The following TPP2 variants were observed in gnomAD, a reference collection of about 807,000 sequenced individuals.
TPP2 encodes the protein tripeptidyl-peptidase 2.
TPP2 carries 34 observed loss-of-function variants against 155.9 expected under a neutral mutation model. That is an observed-to-expected ratio of 0.22 (90% CI 0.17 to 0.29). The LOEUF is 0.29. TPP2 is among the 10% of genes least tolerant of loss of function. The pLI is 1.00. For missense variants in TPP2, 1,028 were observed against 1,522.3 expected, an observed-to-expected ratio of 0.68 and a Z score of 5.40; for synonymous variants, 510 against 529.4, an observed-to-expected ratio of 0.96 and a Z score of 0.50.
intron 27 of TPP2, among the ~76,000 whole-genome samples, chr13:102,668,952 T>C (rs1884790870): frequency 6.6e-6 from 1 of 152,180 alleles, no homozygotes; most frequent in Non-Finnish European, 1.5e-5. Flanking sequence ...TCTTCATTTC[T>C]GGTACCGGGT....
chr13:102,662,035 T>C (rs1383840647), intron 25 of TPP2, among the ~76,000 whole-genome samples: 2 of 152,188 alleles, frequency 1.3e-5, no homozygotes. Context: ...AGCTGATGAA[T>C]GGACAAACAA....
chr13:102,646,558 T>C (rs939800680), intron 20 of TPP2, among the ~76,000 whole-genome samples, 168 bp downstream of exon 20: 1 of 152,222 alleles, frequency 6.6e-6, no homozygotes, highest in African/African-American at 2.4e-5. Flanking sequence ...AATTTGTAAT[T>C]AAATACCATT....
intron 1 of TPP2, among the ~76,000 whole-genome samples, chr13:102,600,418 G>C (rs1367108598): frequency 1.3e-5 from 2 of 148,728 alleles, no homozygotes; most frequent in Non-Finnish European, 3.0e-5. Flanking sequence ...TCGTATTTAT[G>C]TGTGTTTGCC....
At chr13:102,609,423 G>GT (rs1555296898) in intron 2 of TPP2, among the ~76,000 whole-genome samples, 1 of 133,422 alleles carries the variant, frequency 7.5e-6, no homozygotes, top group Non-Finnish European at 1.6e-5. Flanking sequence ...TTGAGACGGA[G>GT]TTTTGGTCTT....
intron 21 of TPP2, among the ~76,000 whole-genome samples, chr13:102,648,528 T>C (rs531810808): frequency 2.6e-5 from 4 of 152,118 alleles, no homozygotes; most frequent in South Asian, 2.1e-4. Flanking sequence ...GTGTTTCTTA[T>C]ATGTCTCTGA....
intron 21 of TPP2, among the ~76,000 whole-genome samples, chr13:102,648,291 G>T (rs1883257207): frequency 6.6e-6 from 1 of 152,118 alleles, no homozygotes; most frequent in African/African-American, 2.4e-5. Flanking sequence ...GAGGTGGGAG[G>T]ATCGCTTGAG....
At chr13:102,618,938 G>C (rs1017575784) in intron 5 of TPP2, 92 bp downstream of exon 5, 2 of 1,426,442 alleles carry the variant, frequency 1.4e-6, no homozygotes, top group Non-Finnish European at 1.8e-6. Context: ...ACAGAATTTT[G>C]GTTTATTCGT....
chr13:102,671,275 C>T (rs191485272), intron 27 of TPP2, among the ~76,000 whole-genome samples: 3 of 152,232 alleles, frequency 2.0e-5, no homozygotes, highest in Admixed American at 1.3e-4. Context: ...ATTGATAGCC[C>T]GTAAGTCATG....
At chr13:102,666,155 G>A (rs1347457554) in intron 27 of TPP2, among the ~76,000 whole-genome samples, 1 of 152,268 alleles carries the variant, frequency 6.6e-6, no homozygotes, top group South Asian at 2.1e-4. Context: ...TGGAAGGCAG[G>A]GGCCTTTGTA....
At chr13:102,604,044 T>G (rs550826555) in intron 1 of TPP2, among the ~76,000 whole-genome samples, 1 of 152,290 alleles carries the variant, frequency 6.6e-6, no homozygotes, top group South Asian at 2.1e-4. Context: ...GGAGGATTGT[T>G]AAGTTTCCAG....
intron 26 of TPP2, 122 bp from the exon 27 acceptor site, chr13:102,664,669 ACAAG>A (rs1884472527): frequency 4.2e-6 from 4 of 948,978 alleles, no homozygotes; most frequent in Non-Finnish European, 6.0e-6. Context: ...CCCCTGGGCT[ACAAG>A]TCAATTACAT....
chr13:102,641,435 A>G (rs1279739558), intron 16 of TPP2, among the ~76,000 whole-genome samples: 1 of 152,214 alleles, frequency 6.6e-6, no homozygotes, highest in Admixed American at 6.5e-5. Context: ...TATAAGGTAG[A>G]TAGGTGTCAT....
intron 2 of TPP2, among the ~76,000 whole-genome samples, chr13:102,612,805 T>A (rs1046043401): frequency 6.6e-6 from 1 of 152,248 alleles, no homozygotes; most frequent in African/African-American, 2.4e-5. Context: ...TATGTTTTTT[T>A]AAGAAATTGT....
At chr13:102,627,220 A>G in intron 7 of TPP2, 54 bp downstream of exon 7, 25 of 1,490,552 alleles carry the variant, frequency 1.7e-5, no homozygotes, top group Admixed American at 2.2e-5. Context: ...GATCTTGGAT[A>G]TTTTTAGGTT....
At chr13:102,631,865 C>T (rs551488318) in intron 10 of TPP2, among the ~76,000 whole-genome samples, 9 of 152,308 alleles carry the variant, frequency 5.9e-5, no homozygotes, top group East Asian at 3.9e-4. Flanking sequence ...CTTTGAAAAA[C>T]GCTGCCTCTG....
chr13:102,666,258 A>G (rs2139597278), intron 27 of TPP2, among the ~76,000 whole-genome samples: 1 of 152,352 alleles, frequency 6.6e-6, no homozygotes, highest in South Asian at 2.1e-4. Flanking sequence ...CACATAGTCA[A>G]ATCAGGATCT....
chr13:102,634,822 C>G (rs1172667301), intron 11 of TPP2, among the ~76,000 whole-genome samples: 10 of 152,194 alleles, frequency 6.6e-5, no homozygotes, highest in Non-Finnish European at 1.5e-5. Context: ...TTCTCTTCAG[C>G]CTCACCAGGT....
At chr13:102,673,313 ACT>A (rs1885096347) in intron 27 of TPP2, among the ~76,000 whole-genome samples, 1 of 151,876 alleles carries the variant, frequency 6.6e-6, no homozygotes, top group Non-Finnish European at 1.5e-5. Context: ...TACACATTTC[ACT>A]CTGAGTCTTT....
Position 102,621,319 on chromosome 13 carries a change from C to G in TPP2, c.621-1558C>G, listed in dbSNP as rs574380162. Reference sequence around the variant, plus strand: ...TGTTTATTGAGTACCTTCTTTGTACCAGGTTGACACCATAGAAGCTACTCC... The same window carrying G: ...TGTTTATTGAGTACCTTCTTTGTACGAGGTTGACACCATAGAAGCTACTCC... On this transcript the variant is annotated intron_variant, in intron 5 of 29. Transcript: ENST00000376052. 7.9e-5 allele frequency among the ~76,000 whole-genome samples: 12 copies of G among 152,188 alleles called. No homozygotes were observed. The South Asian group carries it at 2.5e-3, about 32-fold the overall frequency.
Sources: gnomAD v4.1 joint callset for allele counts (sites outside exome capture counted in the v4.1 genomes callset) on GRCh38, gnomAD v4.1.1 for gene constraint, MANE v1.5 for transcripts, NCBI Gene and HGNC (gene_info 2026-07-23, HGNC 2026-07-21) for gene names.